The following SLCO1A2 variants were observed in gnomAD, a reference collection of about 807,000 sequenced individuals.
SLCO1A2 encodes the protein OATP-1.
A neutral mutation model predicts 69.0 loss-of-function variants in SLCO1A2; 67 were observed. The observed-to-expected ratio is 0.97, with a 90% CI of 0.80 to 1.19. SLCO1A2 has a LOEUF of 1.19. Ranked by LOEUF, SLCO1A2 falls within the 50% of genes most tolerant of loss-of-function variation. SLCO1A2 has a pLI of 0.00. For missense variants in SLCO1A2, 787 were observed against 793.7 expected, an observed-to-expected ratio of 0.99 and a Z score of 0.10; for synonymous variants, 260 against 265.9, an observed-to-expected ratio of 0.98 and a Z score of 0.22.
At chr12:21,302,083 A>G (rs1948781768) in intron 6 of SLCO1A2, among the ~76,000 whole-genome samples, 1 of 151,996 alleles carries the variant, frequency 6.6e-6, no homozygotes, top group Admixed American at 6.6e-5. Context: ...TGCTCTACCA[A>G]ATACTCCCTC....
chr12:21,365,579 T>G (rs374916907), intron 2 of SLCO1A2, among the ~76,000 whole-genome samples: 1 of 151,986 alleles, frequency 6.6e-6, no homozygotes, highest in African/African-American at 2.4e-5. Context: ...CTTCTGCACA[T>G]CAAAAGAAAC....
At chr12:21,270,662 A>G (rs1942638649) in intron 14 of SLCO1A2, among the ~76,000 whole-genome samples, 1 of 151,668 alleles carries the variant, frequency 6.6e-6, no homozygotes, top group South Asian at 2.1e-4. Flanking sequence ...TTACATTTTT[A>G]AGTAACTATA....
chr12:21,338,933 A>G (rs1198921038), upstream of SLCO1A2, among the ~76,000 whole-genome samples: 1 of 151,988 alleles, frequency 6.6e-6, no homozygotes, highest in Non-Finnish European at 1.5e-5. Context: ...CATAGTCAAA[A>G]TAGCAGACCT....
chr12:21,280,699 A>AAAAC (rs1944644384), intron 12 of SLCO1A2, among the ~76,000 whole-genome samples: 1 of 146,134 alleles, frequency 6.8e-6, no homozygotes, highest in African/African-American at 2.5e-5. Context: ...ATAAATAAAT[A>AAAAC]AACAAAGAAA....
At position 21,304,418 on chromosome 12, in the gene SLCO1A2, C is replaced by A; in HGVS notation, c.589+9G>T. On this transcript the variant is annotated intron_variant, in intron 6 of 14. Transcript: ENST00000683939. Reference sequence around the variant, plus strand: ...CTGAAAAGAAGCTAAGGTAGATTTCCATACTTACCAATATATAAAGGAGAA... The same window carrying A: ...CTGAAAAGAAGCTAAGGTAGATTTCAATACTTACCAATATATAAAGGAGAA... 1 of 1,595,228 alleles carries A rather than the reference C, an allele frequency of 6.3e-7. No homozygotes were observed. The highest frequency in any genetic ancestry group is 8.6e-7 in the Non-Finnish European group (1 of 1,164,438).
At chr12:21,409,394 G>A (rs1357138065) in intron 1 of SLCO1A2, among the ~76,000 whole-genome samples, 1 of 152,140 alleles carries the variant, frequency 6.6e-6, no homozygotes, top group Non-Finnish European at 1.5e-5. Context: ...TGTAATTAGA[G>A]TTTTTACTGG....
At chr12:21,413,383 AGG>A (rs1217370707) in intron 1 of SLCO1A2, among the ~76,000 whole-genome samples, 1 of 151,558 alleles carries the variant, frequency 6.6e-6, no homozygotes, top group Non-Finnish European at 1.5e-5. Context: ...GTGGGACTAC[AGG>A]CGCGCGCCAC....
At chr12:21,396,032 T>C (rs1823590945), upstream of SLCO1A2, among the ~76,000 whole-genome samples, 1 of 151,482 alleles carries the variant, frequency 6.6e-6, no homozygotes, top group Non-Finnish European at 1.5e-5. Context: ...AGAATGACTT[T>C]GACGAGCTGA....
chr12:21,346,636 T>A (rs184569425), intron 2 of SLCO1A2, among the ~76,000 whole-genome samples: 1 of 152,288 alleles, frequency 6.6e-6, no homozygotes, highest in Admixed American at 6.5e-5. Context: ...AGTTACAGAT[T>A]CCCAAGTAAT....
At chr12:21,357,053 T>C (rs967141700) in intron 2 of SLCO1A2, among the ~76,000 whole-genome samples, 3 of 152,048 alleles carry the variant, frequency 2.0e-5, no homozygotes, top group African/African-American at 4.8e-5. Context: ...CAAAATCTAC[T>C]GAGCTAAAGA....
At chr12:21,393,299 T>C (rs1489503362) in intron 1 of SLCO1A2, among the ~76,000 whole-genome samples, 1 of 152,098 alleles carries the variant, frequency 6.6e-6, no homozygotes, top group Non-Finnish European at 1.5e-5. Flanking sequence ...TTTCATTGCA[T>C]CCCCAAAAGC....
intron 5 of SLCO1A2, among the ~76,000 whole-genome samples, chr12:21,305,263 G>T (rs528650701): frequency 3.9e-5 from 6 of 152,184 alleles, no homozygotes; most frequent in Non-Finnish European, 8.8e-5. Context: ...AAGATAGGGA[G>T]ATCTCTGAAG....
chr12:21,296,425 C>T (rs1025951538), intron 9 of SLCO1A2, among the ~76,000 whole-genome samples: 11 of 151,928 alleles, frequency 7.2e-5, no homozygotes, highest in Admixed American at 6.6e-4. Flanking sequence ...ACAAAAATTG[C>T]AGAGACAAAG....
intron 1 of SLCO1A2, among the ~76,000 whole-genome samples, chr12:21,394,730 A>C (rs1445607150): frequency 6.6e-6 from 1 of 152,208 alleles, no homozygotes; most frequent in Non-Finnish European, 1.5e-5. Context: ...GTCCTGGGGA[A>C]TAGTAAATTA....
intron 2 of SLCO1A2, among the ~76,000 whole-genome samples, chr12:21,362,060 C>G (rs957124054): frequency 6.6e-6 from 1 of 152,088 alleles, no homozygotes; most frequent in Non-Finnish European, 1.5e-5. Context: ...CAAAGATACT[C>G]CTCGAGAAGA....
chr12:21,303,768 T>C (rs1949010768), intron 6 of SLCO1A2, among the ~76,000 whole-genome samples: 1 of 152,118 alleles, frequency 6.6e-6, no homozygotes, highest in Admixed American at 6.5e-5. Context: ...AACAAAAAGA[T>C]GAAGACGTAT....
intron 4 of SLCO1A2, among the ~76,000 whole-genome samples, chr12:21,310,254 C>T (rs1350799448): frequency 6.6e-6 from 1 of 152,164 alleles, no homozygotes; most frequent in Non-Finnish European, 1.5e-5. Context: ...AAGCAACTCA[C>T]ATGAATTTTT....
rs115231727 is a variant in SLCO1A2 at position 21,279,133 on chromosome 12, T to C, written c.1611-3709A>G. ...AAGAGAGATTTAGTGAGCTTGAAGATAGGCTGTTTGAAAATACACAGTAAG... is the reference window on the plus strand; with the variant it reads ...AAGAGAGATTTAGTGAGCTTGAAGACAGGCTGTTTGAAAATACACAGTAAG... On this transcript the variant is annotated intron_variant, in intron 12 of 14. Transcript: ENST00000683939. 4.2e-3 allele frequency among the ~76,000 whole-genome samples: 632 copies of C among 151,862 alleles called. 8 individuals are homozygous for C. Among genetic ancestry groups the C allele is most frequent in the African/African-American group, 0.015 (607 of 41,392 alleles).
intron 4 of SLCO1A2, among the ~76,000 whole-genome samples, chr12:21,307,578 A>C (rs2136552344): frequency 6.6e-6 from 1 of 152,348 alleles, no homozygotes; most frequent in South Asian, 2.1e-4. Context: ...TCTTCTCATA[A>C]GAACAAATGG....
Sources: allele counts gnomAD v4.1 joint callset (sites outside exome capture counted in the v4.1 genomes callset), GRCh38; gene constraint gnomAD v4.1.1; transcripts MANE v1.5; gene names NCBI Gene and HGNC (gene_info 2026-07-23, HGNC 2026-07-21).